Variants in COLQ observed in about 807,000 individuals in gnomAD.
COLQ encodes acetylcholinesterase collagenic tail peptide.
COLQ carries 48 observed loss-of-function variants against 69.0 expected under a neutral mutation model. That is an observed-to-expected ratio of 0.70 (90% CI 0.55 to 0.88). The LOEUF (loss-of-function observed/expected upper bound fraction) is 0.88, where lower values mean the gene tolerates loss of function less well. Among genes scored for constraint, COLQ ranks in the 40% least tolerant of loss-of-function variants. COLQ has a pLI of 0.00. For synonymous variants in COLQ, 217 were observed against 211.2 expected (o/e 1.03, Z -0.24); for missense variants, 618 against 594.6 (o/e 1.04, Z -0.41).
At chr3:15,519,370 T>A (rs1054873848) in intron 1 of COLQ, among the ~76,000 whole-genome samples, 6 of 152,186 alleles carry the variant, frequency 3.9e-5, no homozygotes, top group African/African-American at 1.4e-4. Context: ...TGCCAAAAGG[T>A]GCTTGGATGG....
intron 10 of COLQ, among the ~76,000 whole-genome samples, chr3:15,472,692 C>G (rs1221220337): frequency 6.6e-6 from 1 of 151,966 alleles, no homozygotes; most frequent in African/African-American, 2.4e-5. Context: ...CCTCAACTAC[C>G]CTTGTTCTTC....
Position 15,459,478 on chromosome 3 carries a change from C to CTT in COLQ, c.815-1155_815-1154dup, listed in dbSNP as rs769741069. ...TTTTACCACTTTAGCATAAGGCATC[C>CTT]TTTTTTTTTTTTTTTTTGGAGACGG... On this transcript the variant is annotated intron_variant, in intron 12 of 16. Transcript: ENST00000383788. Among the ~76,000 whole-genome samples, 120 of 135,558 alleles carry CTT rather than the reference C, an allele frequency of 8.9e-4. 1 individual carries two copies. Among genetic ancestry groups the CTT allele is most frequent in the African/African-American group, 3.2e-3 (115 of 36,198 alleles). 88.9% of individuals were successfully genotyped at this position (135,558 alleles called of 152,430 possible).
intron 1 of COLQ, among the ~76,000 whole-genome samples, chr3:15,495,993 G>A (rs954451920): frequency 8.5e-5 from 13 of 152,186 alleles, no homozygotes; most frequent in African/African-American, 9.6e-5. Context: ...GGCCCACACT[G>A]CTAATATGCA....
chr3:15,466,667 A>C (rs1400289721), intron 11 of COLQ, among the ~76,000 whole-genome samples: 3 of 152,138 alleles, frequency 2.0e-5, no homozygotes, highest in African/African-American at 7.2e-5. Context: ...CAAATGTGGC[A>C]CATGGCAGCT....
At chr3:15,487,036 G>A (rs1320235348) in intron 3 of COLQ, among the ~76,000 whole-genome samples, 1 of 152,170 alleles carries the variant, frequency 6.6e-6, no homozygotes, top group African/African-American at 2.4e-5. Context: ...CCCTGCCATT[G>A]AGCTTACGTT....
intron 1 of COLQ, among the ~76,000 whole-genome samples, chr3:15,516,711 C>T (rs537785117): frequency 2.6e-5 from 4 of 152,334 alleles, no homozygotes; most frequent in Admixed American, 2.6e-4. Flanking sequence ...GATCCTTAAC[C>T]TCCATTAAAA....
rs565021304 is a variant in COLQ at position 15,505,277 on chromosome 3, T to C, written c.107-15640A>G. Among the ~76,000 whole-genome samples, 4 of 152,320 alleles carry C rather than the reference T, an allele frequency of 2.6e-5. No homozygotes were observed. The South Asian group carries it at 8.3e-4, about 32-fold the overall frequency. Reference sequence around the variant, plus strand: ...AACCATATAAGAAGTTATTCTCTTCTGTCTCCCACCCCTAACCCACAGAGA... The same window carrying C: ...AACCATATAAGAAGTTATTCTCTTCCGTCTCCCACCCCTAACCCACAGAGA... On this transcript the variant is annotated intron_variant, in intron 1 of 16. Coordinates refer to ENST00000383788, the MANE Select transcript of COLQ (RefSeq NM_005677.4).
intron 1 of COLQ, among the ~76,000 whole-genome samples, chr3:15,516,816 G>T (rs1052839028): frequency 1.1e-4 from 16 of 152,148 alleles, no homozygotes; most frequent in African/African-American, 3.9e-4. Context: ...AGAGCTTTGG[G>T]CATTGATATA....
At chr3:15,484,525 C>T (rs1017648737) in intron 3 of COLQ, among the ~76,000 whole-genome samples, 17 of 152,192 alleles carry the variant, frequency 1.1e-4, no homozygotes, top group Middle Eastern at 3.2e-3. Flanking sequence ...CAACTTGATT[C>T]CATTCTCCCC....
intron 12 of COLQ, among the ~76,000 whole-genome samples, chr3:15,461,459 C>T (rs1429756157): frequency 6.6e-6 from 1 of 152,182 alleles, no homozygotes; most frequent in African/African-American, 2.4e-5. Context: ...CCCACCCTGA[C>T]CTCTGGGAGA....
intron 1 of COLQ, among the ~76,000 whole-genome samples, chr3:15,516,825 T>C (rs1242229203): frequency 3.9e-5 from 6 of 152,136 alleles, no homozygotes; most frequent in Non-Finnish European, 5.9e-5. Flanking sequence ...GGCATTGATA[T>C]ACTGAGGAAA....
chr3:15,481,558 A>G (rs891076739), intron 3 of COLQ, among the ~76,000 whole-genome samples: 2 of 152,094 alleles, frequency 1.3e-5, no homozygotes, highest in South Asian at 2.1e-4. Flanking sequence ...GCTCTGTTCT[A>G]TTCCATTGGT....
intron 12 of COLQ, among the ~76,000 whole-genome samples, chr3:15,461,189 T>TCCCCGCCA (rs549486422): frequency 6.9e-6 from 1 of 144,172 alleles, no homozygotes. Context: ...TTGCCTTTAT[T>TCCCCGCCA]CCCCCCCCGA....
intron 11 of COLQ, among the ~76,000 whole-genome samples, chr3:15,467,126 C>T (rs2062211482): frequency 6.6e-6 from 1 of 152,210 alleles, no homozygotes; most frequent in African/African-American, 2.4e-5. Context: ...ATTGATGTCT[C>T]CCCATGAGAC....
intron 12 of COLQ, among the ~76,000 whole-genome samples, chr3:15,458,985 G>A (rs901791966): frequency 1.3e-5 from 2 of 151,644 alleles, no homozygotes; most frequent in African/African-American, 4.8e-5. Flanking sequence ...CTGGGATTAC[G>A]GGTGTGTGCC....
rs779104097 is a variant in COLQ at position 15,456,015 on chromosome 3, G to T, written c.1079C>A (p.Thr360Asn). 2 of 1,614,080 alleles carry T rather than the reference G, an allele frequency of 1.2e-6. No individual in the cohort carries two copies. Among genetic ancestry groups the T allele is most frequent in the Admixed American group, 3.3e-5 (2 of 60,008 alleles). Residue 360 changes from threonine to asparagine, a missense_variant, in exon 15 of 17, where the codon ACC becomes AAC. Thr to Asn is a moderately conservative substitution (Grantham distance 65). Coordinates refer to ENST00000383788, the MANE Select transcript of COLQ (RefSeq NM_005677.4). ...AGTGTAATCCACAGGGTAGAAAGGG[G>T]TCAGCTGGCCAAAGAAGCACACAGC... ...DSLGWLPIQL[T>N]PFYPVDYTAD...
intron 1 of COLQ, among the ~76,000 whole-genome samples, chr3:15,498,040 T>C (rs1176843228): frequency 6.6e-6 from 1 of 152,244 alleles, no homozygotes; most frequent in Non-Finnish European, 1.5e-5. Context: ...TGTGGTTTGG[T>C]GGCTGTGCCT....
chr3:15,462,492 C>T (rs940375390), intron 12 of COLQ, among the ~76,000 whole-genome samples: 1 of 152,104 alleles, frequency 6.6e-6, no homozygotes, highest in Non-Finnish European at 1.5e-5. Context: ...GAATGGGGGG[C>T]GGGGGCATCA....
rs377523307 is a variant in COLQ, at chr3:15,489,170, G to A, written c.219+355C>T. Among the ~76,000 whole-genome samples the A allele has an allele frequency of 9.2e-5, 14 of 152,296 alleles. 1 individual carries two copies. The highest frequency in any genetic ancestry group is 1.9e-4 in the East Asian group (1 of 5,192). The stretch of plus-strand genomic sequence containing the variant: ...AGAAGGGAATTTCATAAACACTTGG[G>A]GAGAAGAAAAACAGAAGGGGAAATT... On this transcript the variant is annotated intron_variant, in intron 2 of 16. Transcript: ENST00000383788.
Sources: allele counts gnomAD v4.1 joint callset (sites outside exome capture counted in the v4.1 genomes callset), GRCh38; gene constraint gnomAD v4.1.1; transcripts MANE v1.5; gene names NCBI Gene and HGNC (gene_info 2026-07-23, HGNC 2026-07-21).